The following IDE variants were observed in gnomAD, a reference collection of about 807,000 sequenced individuals.
IDE encodes insulin-degrading enzyme.
Under a neutral mutation model 133.2 loss-of-function variants are expected in IDE, and 58 were observed. The observed-to-expected ratio is 0.44, with a 90% CI of 0.35 to 0.54. The LOEUF is 0.54. Among genes scored for constraint, IDE ranks in the 20% least tolerant of loss-of-function variants. The pLI, the probability that IDE is intolerant of heterozygous loss-of-function variation, is 0.00. For synonymous variants in IDE, 396 were observed against 421.3 expected (o/e 0.94, Z 0.73); for missense variants, 981 against 1,234.0 (o/e 0.79, Z 3.07).
chr10:92,535,347 C>A (rs1841942418), intron 2 of IDE, among the ~76,000 whole-genome samples: 1 of 152,178 alleles, frequency 6.6e-6, no homozygotes, highest in Non-Finnish European at 1.5e-5. Context: ...TCGTGATCCG[C>A]CAGCCTCGGC....
At chr10:92,499,122 T>C (rs916734402) in intron 11 of IDE, among the ~76,000 whole-genome samples, 35 of 152,202 alleles carry the variant, frequency 2.3e-4, no homozygotes, top group African/African-American at 8.2e-4. Flanking sequence ...TTTAATGATG[T>C]AAGTAAATGC....
Position 92,463,957 on chromosome 10 carries a change from G to A in IDE, c.2535C>T (p.Gly845=), listed in dbSNP as rs759157349. Residue 845 remains glycine, a synonymous_variant, in exon 21 of 25, where the codon GGC becomes GGT. Coordinates refer to ENST00000265986, the MANE Select transcript of IDE (RefSeq NM_004969.4). The part of the protein sequence containing the change: ...SGPRRANGIQ[G]LRFIIQSEKP... ...TTTCTGACTGGATGATGAATCTCAAGCCCTGTATGCCATTAGCTCGACGTG... is the reference window on the plus strand; with the variant it reads ...TTTCTGACTGGATGATGAATCTCAAACCCTGTATGCCATTAGCTCGACGTG... 6.2e-7 allele frequency: 1 copy of A among 1,613,986 alleles called. No individual in the cohort carries two copies. The highest frequency in any genetic ancestry group is 1.3e-5 in the African/African-American group (1 of 74,890).
chr10:92,498,967 T>C (rs758736345), intron 11 of IDE, among the ~76,000 whole-genome samples: 1 of 152,170 alleles, frequency 6.6e-6, no homozygotes, highest in Non-Finnish European at 1.5e-5. Flanking sequence ...TAGGCTGATT[T>C]TTCCCCCCTG....
intron 11 of IDE, among the ~76,000 whole-genome samples, chr10:92,503,369 T>C (rs1848130899): frequency 6.6e-6 from 1 of 152,220 alleles, no homozygotes; most frequent in Admixed American, 6.5e-5. Context: ...AGGGTGTCAC[T>C]ATGCTGCTCA....
chr10:92,567,837 G>A (rs958002417), intron 1 of IDE, among the ~76,000 whole-genome samples: 1 of 152,134 alleles, frequency 6.6e-6, no homozygotes, highest in African/African-American at 2.4e-5. Context: ...GCCAGGCATG[G>A]TGGCACAAGT....
In IDE at chr10:92,508,750, C is replaced by T; in HGVS notation, c.1038G>A (p.Leu346=). ...HLIGHEGPGS[L]LSELKSKGWV... Reference sequence around the variant, plus strand: ...TACCCTTTGACTTAAGTTCTGATAACAGACTTCCAGGACCTTCATGCCCAA... The same window carrying T: ...TACCCTTTGACTTAAGTTCTGATAATAGACTTCCAGGACCTTCATGCCCAA... The change falls in exon 7 of 25, where the codon CTG becomes CTA. Residue 346 remains leucine, a synonymous_variant. Coordinates refer to ENST00000265986, the MANE Select transcript of IDE (RefSeq NM_004969.4). The T allele has an allele frequency of 6.2e-7, 1 of 1,614,070 alleles. No homozygotes were observed.
chr10:92,547,110 C>A (rs1842564596), intron 1 of IDE, among the ~76,000 whole-genome samples: 1 of 152,102 alleles, frequency 6.6e-6, no homozygotes, highest in Admixed American at 6.6e-5. Context: ...AAGATAGGGT[C>A]TCACTCCCAG....
chr10:92,531,719 G>A (rs377014086), intron 4 of IDE, 29 bp downstream of exon 4: 1 of 1,471,828 alleles, frequency 6.8e-7, no homozygotes, highest in Non-Finnish European at 9.2e-7. Flanking sequence ...GGGTTTAAAT[G>A]AGGTCAAGGA....
At position 92,531,769 on chromosome 10, in the gene IDE, G is replaced by C; in HGVS notation, c.640C>G (p.Pro214Ala). ...AAACCTGTCCCAAATTTACTGAAGGGGTGTTTAGGATTCCCTGTAGCTTTT... is the reference window on the plus strand; with the variant it reads ...AAACCTGTCCCAAATTTACTGAAGGCGTGTTTAGGATTCCCTGTAGCTTTT... ...LEKATGNPKH[P>A]FSKFGTGNKY... Residue 214 changes from proline to alanine, a missense_variant, in exon 4 of 25, where the codon CCC becomes GCC. Pro to Ala is a conservative substitution (Grantham distance 27). Around this residue, in one of 2 missense-constraint regions of IDE, gnomAD observed 321 missense variants for 339.3 expected, o/e 0.95. Transcript: ENST00000265986. 6.3e-7 allele frequency: 1 copy of C among 1,590,768 alleles called. No individual in the cohort carries two copies. Among genetic ancestry groups the C allele is most frequent in the Non-Finnish European group, 8.6e-7 (1 of 1,166,278 alleles).
At chr10:92,539,437 T>C (rs1842190912) in intron 1 of IDE, among the ~76,000 whole-genome samples, 1 of 152,068 alleles carries the variant, frequency 6.6e-6, no homozygotes. Flanking sequence ...TGTTGGAAAA[T>C]TCAAAAGCAA....
chr10:92,486,222 T>C (rs1344862656), intron 13 of IDE, among the ~76,000 whole-genome samples: 1 of 151,734 alleles, frequency 6.6e-6, no homozygotes, highest in African/African-American at 2.4e-5. Context: ...TGGTGGCGGG[T>C]GCCTGTAATC....
chr10:92,530,285 A>T (rs1199302689), intron 4 of IDE, among the ~76,000 whole-genome samples: 4 of 151,722 alleles, frequency 2.6e-5, no homozygotes, highest in Non-Finnish European at 5.9e-5. Context: ...GCTTTTGAAA[A>T]AACAAAAAAA....
intron 17 of IDE, 44 bp from the exon 18 acceptor site, chr10:92,470,389 A>AT (rs778596369): frequency 2.3e-6 from 3 of 1,318,654 alleles, no homozygotes; most frequent in Admixed American, 4.5e-5. Flanking sequence ...CCTATGAGGG[A>AT]TTTTTTGTTT....
intron 11 of IDE, among the ~76,000 whole-genome samples, chr10:92,500,410 T>C (rs1386856210): frequency 6.6e-6 from 1 of 152,126 alleles, no homozygotes; most frequent in East Asian, 1.9e-4. Context: ...TGTCATATGC[T>C]ACAACATGGA....
intron 21 of IDE, among the ~76,000 whole-genome samples, chr10:92,463,122 G>C (rs1845486495): frequency 6.6e-6 from 1 of 152,194 alleles, no homozygotes; most frequent in African/African-American, 2.4e-5. Flanking sequence ...AAGGTGTCTT[G>C]ACCAAGATTT....
At chr10:92,536,076 T>C (rs1241799612) in intron 2 of IDE, among the ~76,000 whole-genome samples, 2 of 150,306 alleles carry the variant, frequency 1.3e-5, no homozygotes, top group South Asian at 2.1e-4. Context: ...TAAAGCAACA[T>C]TAAATGTGTA....
chr10:92,535,354 C>T (rs544411324), intron 2 of IDE, among the ~76,000 whole-genome samples: 25 of 152,304 alleles, frequency 1.6e-4, no homozygotes, highest in Admixed American at 1.4e-3. Context: ...CCGCCAGCCT[C>T]GGCCTCCCAA....
chr10:92,502,047 G>A lies in IDE; in HGVS notation c.1430+2747C>T, dbSNP rs114374637. Among the ~76,000 whole-genome samples the A allele has an allele frequency of 4.9e-3, 752 of 152,106 alleles. 8 individuals carry two copies. The highest frequency in any genetic ancestry group is 0.017 in the African/African-American group (713 of 41,506). ...AATCCCAGCTACTCAGGAAGCTGAC[G>A]CAGGAGATCACTTAAGCCCAAGAGG... On this transcript the variant is annotated intron_variant, in intron 11 of 24. Coordinates refer to ENST00000265986, the MANE Select transcript of IDE (RefSeq NM_004969.4).
At chr10:92,521,111 G>A (rs925522402) in intron 4 of IDE, among the ~76,000 whole-genome samples, 1 of 152,076 alleles carries the variant, frequency 6.6e-6, no homozygotes, top group Admixed American at 6.6e-5. Context: ...TAGCCAAATA[G>A]TAGAAAAGGA....
Sources: allele counts gnomAD v4.1 joint callset (sites outside exome capture counted in the v4.1 genomes callset), GRCh38; gene constraint gnomAD v4.1.1; regional missense constraint gnomAD v4.1.1; transcripts MANE v1.5; gene names NCBI Gene and HGNC (gene_info 2026-07-23, HGNC 2026-07-21).